The following OTOP1 variants were observed in gnomAD, a reference collection of about 807,000 sequenced individuals.
OTOP1 encodes the protein otopetrin 1, also known as proton channel OTOP1.
Under a neutral mutation model 52.9 loss-of-function variants are expected in OTOP1, and 59 were observed. The ratio of observed to expected loss-of-function variants is 1.12; its 90% CI spans 0.91 to 1.39. The LOEUF (loss-of-function observed/expected upper bound fraction) is 1.39. Among genes scored for constraint, OTOP1 ranks in the 40% most tolerant of loss-of-function variants. OTOP1 has a pLI of 0.00. For synonymous variants in OTOP1, 317 were observed against 337.7 expected (o/e 0.94, Z 0.67); for missense variants, 761 against 800.9 (o/e 0.95, Z 0.60).
chr4:4,200,483 A>AAG (rs1268019375), intron 4 of OTOP1, among the ~76,000 whole-genome samples: 2 of 151,354 alleles, frequency 1.3e-5, no homozygotes, highest in East Asian at 3.9e-4. Context: ...TAAAAAAAAA[A>AAG]AAAAATCTGA....
intron 5 of OTOP1, among the ~76,000 whole-genome samples, chr4:4,192,300 A>T (rs1716528066): frequency 6.6e-6 from 1 of 151,844 alleles, no homozygotes; most frequent in Non-Finnish European, 1.5e-5. Flanking sequence ...CCTCCCAGCC[A>T]CCCCCACCCA....
intron 3 of OTOP1, among the ~76,000 whole-genome samples, chr4:4,203,242 G>A (rs1716827294): frequency 6.6e-6 from 1 of 152,244 alleles, no homozygotes; most frequent in Non-Finnish European, 1.5e-5. Flanking sequence ...CCTTGAATGT[G>A]GACATGAAGG....
chr4:4,206,958 G>A (rs1234612982), intron 2 of OTOP1, among the ~76,000 whole-genome samples: 2 of 152,118 alleles, frequency 1.3e-5, no homozygotes, highest in East Asian at 3.8e-4. Context: ...AATGTTTTGG[G>A]CTTCATTTTA....
At chr4:4,218,915 C>T (rs111890922) in intron 1 of OTOP1, among the ~76,000 whole-genome samples, 3 of 150,872 alleles carry the variant, frequency 2.0e-5, no homozygotes, top group Admixed American at 6.6e-5. Context: ...GGTAACAAAG[C>T]GAGACTCCGT....
chr4:4,209,127 T>G (rs975916245), intron 2 of OTOP1, among the ~76,000 whole-genome samples: 2 of 151,936 alleles, frequency 1.3e-5, no homozygotes, highest in African/African-American at 4.8e-5. Context: ...GCATGAAGGG[T>G]TTTTAGAAAG....
In OTOP1 at chr4:4,226,481, C is replaced by T. The variant is rs80224470; in HGVS notation, c.384G>A (p.Ala128=). 2.2e-6 allele frequency: 3 copies of T among 1,366,354 alleles called. No homozygotes were observed. The highest frequency in any genetic ancestry group is 2.9e-6 in the Non-Finnish European group (3 of 1,046,790). The allele number at this position is 1,366,354 out of a possible 1,614,324, so 84.6% of individuals were successfully genotyped here. A position where few individuals can be genotyped will look rare whatever the true frequency, so the allele number is the denominator to read the frequency against. ...ACTCACCGCGCAGCCAGCCGGCACC[C>T]GCGTGCGTGTCCTTGAGGCGGAAGA... ...RRLFRLKDTH[A]GAGWLRGSIT... is the part of the protein sequence containing the mutation. The change falls in exon 1 of 6, where the codon GCG becomes GCA. Residue 128 remains alanine (A), a synonymous_variant. Transcript: ENST00000296358.
intron 1 of OTOP1, among the ~76,000 whole-genome samples, chr4:4,216,707 GGTTTT>G (rs1480293105): frequency 1.3e-5 from 2 of 152,142 alleles, no homozygotes; most frequent in African/African-American, 4.8e-5. Flanking sequence ...ATACGTGGTT[GGTTTT>G]AATTACAAAA....
Position 4,188,957 on chromosome 4 carries a change from G to A in OTOP1, c.1685C>T (p.Ala562Val). Residue 562 changes from alanine (A) to valine (V), a missense_variant, in exon 6 of 6, where the codon GCC becomes GTC. By Grantham distance (64) the Ala-to-Val change is moderately conservative (BLOSUM62 0). This residue lies in a region of OTOP1 where 632 missense variants were observed against 619.5 expected (regional missense o/e 1.02). Transcript: ENST00000296358. ...GTCATACTCAGGTCGACAGCCAAAG[G>A]CGGGAGGTATCCAAAGCTGCAAGAG... ...LCNISLWIPPAFGCRPEYDNG... is the reference protein window; with the variant it reads ...LCNISLWIPPVFGCRPEYDNG... 1 of 1,612,552 alleles carries A rather than the reference G, an allele frequency of 6.2e-7. No individual in the cohort carries two copies. The highest frequency in any genetic ancestry group is 8.5e-7 in the Non-Finnish European group (1 of 1,179,284).
chr4:4,199,284 T>G (rs762598724), intron 4 of OTOP1, among the ~76,000 whole-genome samples: 18 of 136,558 alleles, frequency 1.3e-4, no homozygotes, highest in Non-Finnish European at 2.5e-4. Context: ...GAGGAACAGC[T>G]CAATGTCCAA....
intron 1 of OTOP1, among the ~76,000 whole-genome samples, chr4:4,222,598 C>T (rs1717326759): frequency 6.6e-6 from 1 of 152,136 alleles, no homozygotes; most frequent in Non-Finnish European, 1.5e-5. Flanking sequence ...TTCCACTGGA[C>T]CAGAAATATC....
At chr4:4,207,210 AGTG>A (rs1716924382) in intron 2 of OTOP1, among the ~76,000 whole-genome samples, 1 of 152,040 alleles carries the variant, frequency 6.6e-6, no homozygotes. Flanking sequence ...GACAGCAGTC[AGTG>A]ACTCCTTGTT....
intron 1 of OTOP1, among the ~76,000 whole-genome samples, chr4:4,214,960 T>C (rs559228628): frequency 2.2e-4 from 34 of 152,004 alleles, no homozygotes; most frequent in Admixed American, 2.0e-3. Flanking sequence ...TAAGTGCATG[T>C]TTTACCACAA....
At chr4:4,215,402 C>A (rs1717118873) in intron 1 of OTOP1, among the ~76,000 whole-genome samples, 2 of 152,284 alleles carry the variant, frequency 1.3e-5, no homozygotes, top group South Asian at 4.2e-4. Flanking sequence ...TGGCTCACAC[C>A]TGTAATCCCA....
intron 2 of OTOP1, among the ~76,000 whole-genome samples, chr4:4,211,878 C>T (rs373901090): frequency 5.9e-5 from 9 of 151,964 alleles, no homozygotes; most frequent in South Asian, 2.1e-4. Flanking sequence ...ATACGCAAGA[C>T]GAATAATTCT....
At chr4:4,214,391 G>T (rs913740293) in intron 1 of OTOP1, among the ~76,000 whole-genome samples, 1 of 152,110 alleles carries the variant, frequency 6.6e-6, no homozygotes, top group Non-Finnish European at 1.5e-5. Flanking sequence ...AAAACAGTAG[G>T]GAGGGCCTTC....
intron 2 of OTOP1, among the ~76,000 whole-genome samples, chr4:4,208,017 T>C (rs1716945067): frequency 6.6e-6 from 1 of 152,228 alleles, no homozygotes; most frequent in African/African-American, 2.4e-5. Context: ...TAGTTGCTTA[T>C]GCATCCGTCT....
intron 2 of OTOP1, among the ~76,000 whole-genome samples, chr4:4,209,177 G>A (rs1716972343): frequency 6.6e-6 from 1 of 152,176 alleles, no homozygotes; most frequent in African/African-American, 2.4e-5. Context: ...GTAGGCAGGA[G>A]TCCCCTCTCC....
intron 1 of OTOP1, among the ~76,000 whole-genome samples, chr4:4,213,647 CT>C (rs1480763826): frequency 6.6e-6 from 1 of 152,124 alleles, no homozygotes; most frequent in Non-Finnish European, 1.5e-5. Flanking sequence ...TCAGAATTTC[CT>C]TCCTTTTTAA....
chr4:4,204,621 C>G (rs570689382), intron 3 of OTOP1, among the ~76,000 whole-genome samples: 1 of 152,160 alleles, frequency 6.6e-6, no homozygotes, highest in East Asian at 1.9e-4. Context: ...TGCCAGGCTG[C>G]CTTTCTCATC....
Sources: allele counts gnomAD v4.1 joint callset (sites outside exome capture counted in the v4.1 genomes callset), GRCh38; gene constraint gnomAD v4.1.1; regional missense constraint gnomAD v4.1.1; transcripts MANE v1.5; gene names NCBI Gene and HGNC (gene_info 2026-07-23, HGNC 2026-07-21).